TENM4: variants seen among roughly 807,000 people sequenced by gnomAD.
The protein encoded by TENM4 is teneurin-4.
A neutral mutation model predicts 243.3 loss-of-function variants in TENM4; 82 were observed. The ratio of observed to expected loss-of-function variants is 0.34; its 90% CI spans 0.28 to 0.40. The LOEUF is 0.40. Ranked by LOEUF, TENM4 falls within the 10% of genes least tolerant of loss-of-function variation. The pLI is 1.00. For synonymous variants in TENM4, 1,412 were observed against 1,456.3 expected (o/e 0.97, Z 0.69); for missense variants, 3,138 against 3,673.3 (o/e 0.85, Z 3.77).
chr11:78,722,993 C>T, intron 23 of TENM4, 76 bp from the exon 24 acceptor site: 1 of 1,569,398 alleles, frequency 6.4e-7, no homozygotes, highest in Non-Finnish European at 8.7e-7. Context: ...CACAGAGTCA[C>T]CTGATTTTGC....
intron 6 of TENM4, among the ~76,000 whole-genome samples, chr11:78,927,515 T>A (rs1856577977): frequency 6.6e-6 from 1 of 152,200 alleles, no homozygotes; most frequent in South Asian, 2.1e-4. Context: ...GGGGATGGAA[T>A]GGGACTTGAA....
At chr11:78,695,509 G>A (rs1171898076) in intron 28 of TENM4, among the ~76,000 whole-genome samples, 4 of 151,966 alleles carry the variant, frequency 2.6e-5, no homozygotes, top group Non-Finnish European at 2.9e-5. Flanking sequence ...GACTACAGGT[G>A]CGCACCACCA....
At chr11:79,331,582 A>G (rs1205226459) in intron 1 of TENM4, among the ~76,000 whole-genome samples, 2 of 152,190 alleles carry the variant, frequency 1.3e-5, no homozygotes, top group Non-Finnish European at 2.9e-5. Context: ...AGTGTCCCCA[A>G]CATCTACTGG....
At chr11:78,735,948 CTCTT>C (rs559692029) in intron 20 of TENM4, among the ~76,000 whole-genome samples, 91 of 147,676 alleles carry the variant, frequency 6.2e-4, no homozygotes, top group African/African-American at 2.2e-3. Context: ...CTTTCTCTCT[CTCTT>C]TTTTCTTTTG....
chr11:79,082,045 T>C (rs911348640), intron 4 of TENM4, among the ~76,000 whole-genome samples: 4 of 152,168 alleles, frequency 2.6e-5, no homozygotes, highest in African/African-American at 9.7e-5. Context: ...ATTAACTTCA[T>C]TGGTACTTAT....
At chr11:78,874,066 T>C (rs1421591932) in intron 9 of TENM4, among the ~76,000 whole-genome samples, 3 of 152,094 alleles carry the variant, frequency 2.0e-5, no homozygotes, top group African/African-American at 7.2e-5. Context: ...CCCTCTCCCA[T>C]AAACACTGCC....
intron 3 of TENM4, among the ~76,000 whole-genome samples, chr11:79,193,797 C>T (rs1434981442): frequency 6.6e-6 from 1 of 152,168 alleles, no homozygotes; most frequent in African/African-American, 2.4e-5. Context: ...TGATAGTCAA[C>T]CTGCCCAAGG....
chr11:79,296,325 C>A (rs556305), intron 2 of TENM4, among the ~76,000 whole-genome samples: 3 of 151,732 alleles, frequency 2.0e-5, no homozygotes, highest in Admixed American at 6.6e-5. Context: ...AGAAGGGGGC[C>A]GGGGGGCTGT....
At chr11:79,387,475 A>G (rs894219169) in intron 1 of TENM4, among the ~76,000 whole-genome samples, 1 of 152,186 alleles carries the variant, frequency 6.6e-6, no homozygotes, top group African/African-American at 2.4e-5. Flanking sequence ...CATTTAATCT[A>G]CCCAGCATTG....
rs114944411 is a variant in TENM4, at chr11:79,117,143, A to T, written c.-66+31567T>A. ...ATATGCTGTCCAATTCAACTCACAC[A>T]TTTGTAATAAACGCCTAACCCTGAT... On this transcript the variant is annotated intron_variant, in intron 4 of 33. Transcript: ENST00000278550. Among the ~76,000 whole-genome samples, 858 of 152,236 alleles carry T rather than the reference A, an allele frequency of 5.6e-3. 9 individuals are homozygous for T. Among genetic ancestry groups the T allele is most frequent in the African/African-American group, 0.02 (831 of 41,536 alleles).
At chr11:78,771,229 C>A (rs1856641081) in intron 17 of TENM4, 91 bp from the exon 18 acceptor site, 1 of 1,475,056 alleles carries the variant, frequency 6.8e-7, no homozygotes, top group Non-Finnish European at 9.2e-7. Flanking sequence ...TTGCAAAATG[C>A]CTTCATATCC....
At chr11:79,256,935 C>T (rs1855710598) in intron 2 of TENM4, among the ~76,000 whole-genome samples, 1 of 152,202 alleles carries the variant, frequency 6.6e-6, no homozygotes, top group African/African-American at 2.4e-5. Flanking sequence ...CAAGACATAA[C>T]AGATGGCTCC....
At chr11:78,762,106 AAG>A (rs1856442716) in intron 18 of TENM4, among the ~76,000 whole-genome samples, 1 of 152,180 alleles carries the variant, frequency 6.6e-6, no homozygotes, top group African/African-American at 2.4e-5. Context: ...TGCTGAAAAT[AAG>A]AGTTCCAGCA....
intron 4 of TENM4, among the ~76,000 whole-genome samples, chr11:79,122,058 C>A (rs184789113): frequency 3.7e-4 from 56 of 152,244 alleles, no homozygotes; most frequent in Non-Finnish European, 5.1e-4. Flanking sequence ...CAATGTCTAA[C>A]AGAGATTCAG....
intron 7 of TENM4, among the ~76,000 whole-genome samples, chr11:78,900,063 G>A (rs374075456): frequency 1.1e-3 from 162 of 152,284 alleles, no homozygotes; most frequent in African/African-American, 3.8e-3. Context: ...GAGTCCAGTT[G>A]CCAGCTGAAT....
At chr11:78,835,551 G>T (rs915215456) in intron 12 of TENM4, among the ~76,000 whole-genome samples, 3 of 152,116 alleles carry the variant, frequency 2.0e-5, no homozygotes, top group Admixed American at 6.5e-5. Context: ...AAGCCAGCAT[G>T]CTTTCCAATA....
At chr11:79,213,850 G>A (rs1863997294) in intron 3 of TENM4, among the ~76,000 whole-genome samples, 1 of 152,146 alleles carries the variant, frequency 6.6e-6, no homozygotes. Flanking sequence ...GTGAGCATTG[G>A]TTTTCTTACC....
intron 6 of TENM4, among the ~76,000 whole-genome samples, chr11:79,040,381 T>A (rs1859490035): frequency 6.6e-6 from 1 of 151,260 alleles, no homozygotes; most frequent in Admixed American, 6.6e-5. Context: ...TTGTCCAGCC[T>A]CCAGGAGCAG....
At chr11:78,975,816 G>C (rs1393808290) in intron 6 of TENM4, among the ~76,000 whole-genome samples, 1 of 151,814 alleles carries the variant, frequency 6.6e-6, no homozygotes, top group East Asian at 1.9e-4. Context: ...GTGGGAGGGT[G>C]GGAGGGCAGG....
Sources: allele counts gnomAD v4.1 joint callset (sites outside exome capture counted in the v4.1 genomes callset), GRCh38; gene constraint gnomAD v4.1.1; transcripts MANE v1.5; gene names NCBI Gene and HGNC (gene_info 2026-07-23, HGNC 2026-07-21).